GPR108: variants seen among roughly 807,000 people sequenced by gnomAD.
The protein encoded by GPR108 is protein GPR108.
A neutral mutation model predicts 74.3 loss-of-function variants in GPR108; 60 were observed. The observed-to-expected ratio is 0.81, with a 90% CI of 0.66 to 1.00. GPR108 has a LOEUF of 1.00. Ranked by LOEUF, GPR108 falls within the 50% of genes least tolerant of loss-of-function variation. The pLI is 0.00. For missense variants in GPR108, 667 were observed against 703.3 expected (o/e 0.95, Z 0.58); for synonymous variants, 311 against 292.4 (o/e 1.06, Z -0.65).
At chr19:6,732,690 C>T in intron 10 of GPR108, 141 bp from the exon 11 acceptor site, 3 of 723,082 alleles carry the variant, frequency 4.1e-6, no homozygotes, top group Non-Finnish European at 4.8e-6. Context: ...GGGTGGGACT[C>T]AAAACTGGTA....
In GPR108 at chr19:6,736,697, C is replaced by T. The variant is rs1968647306; in HGVS notation, c.135G>A (p.Ala45=). Residue 45 remains alanine, a synonymous_variant, in exon 2 of 18, where the codon GCG becomes GCA. Coordinates refer to ENST00000264080, the MANE Select transcript of GPR108 (RefSeq NM_001080452.2). ...HQLALTGEKR[A]DIQLNSFGFY... is the part of the protein sequence containing the mutation. ...AACCGAAGCTGTTCAGCTGGATGTC[C>T]GCTCGCTTCTCCCCCTGCCGGAGAC... is the stretch of plus-strand genomic sequence containing the variant. 2 of 1,614,084 alleles carry T rather than the reference C, an allele frequency of 1.2e-6. No individual in the cohort carries two copies. Among genetic ancestry groups the T allele is most frequent in the Admixed American group, 1.7e-5 (1 of 60,012 alleles).
At chr19:6,730,836 T>A in intron 17 of GPR108, 151 bp downstream of exon 17, 1 of 902,082 alleles carries the variant, frequency 1.1e-6, no homozygotes, top group Non-Finnish European at 1.6e-6. Context: ...GCCCCCCATC[T>A]CCCCTCCATC....
At chr19:6,731,408 C>T (rs894021089) in intron 15 of GPR108, 65 bp downstream of exon 15, 6 of 1,497,426 alleles carry the variant, frequency 4.0e-6, no homozygotes, top group Non-Finnish European at 4.5e-6. Context: ...AGCTGAGGGG[C>T]TGGGGTGGGC....
At position 6,735,669 on chromosome 19, in the gene GPR108, G is replaced by T; in HGVS notation, c.327C>A (p.Asn109Lys). ...GGAACAGGACCAGGAAACTGCTACT[G>T]TTTTTCTGGAGAGGGCAGTCCTGGA... is the stretch of plus-strand genomic sequence containing the variant. ...RDFQDCPLQKNSSSFLVLFLI... is the reference protein window; with the variant it reads ...RDFQDCPLQKKSSSFLVLFLI... Residue 109 changes from asparagine (N) to lysine (K), a missense_variant, in exon 4 of 18, where the codon AAC becomes AAA. Asn to Lys is a moderately conservative substitution (Grantham distance 94). Transcript: ENST00000264080. The T allele has an allele frequency of 3.7e-6, 6 of 1,614,146 alleles. No individual in the cohort carries two copies. Among genetic ancestry groups the T allele is most frequent in the Non-Finnish European group, 5.1e-6 (6 of 1,180,028 alleles).
rs1055175575 is a variant in GPR108, at chr19:6,730,379, G to A, written c.1565C>T (p.Thr522Met). 2.7e-5 allele frequency: 43 copies of A among 1,612,934 alleles called. No individual in the cohort carries two copies. Among genetic ancestry groups the A allele is most frequent in the South Asian group, 7.7e-5 (7 of 91,048 alleles). Reference protein sequence around the residue: ...EEDVQMEQVMTDSGFREGLSK... With the variant: ...EEDVQMEQVMMDSGFREGLSK... ...GAGGCCTTCCCGGAACCCAGAGTCC[G>A]TCATTCTGGGGGCAGACAGCGAGGA... The change falls in exon 18 of 18, where the codon ACG (threonine) becomes ATG (methionine). Residue 522 changes from threonine (T) to methionine (M), a missense_variant. Coordinates refer to ENST00000264080, the MANE Select transcript of GPR108 (RefSeq NM_001080452.2).
intron 1 of GPR108, 42 bp from the exon 2 acceptor site, chr19:6,736,753 C>T: frequency 6.2e-7 from 1 of 1,613,008 alleles, no homozygotes; most frequent in Admixed American, 1.7e-5. Context: ...AGACCTCTTT[C>T]CGCCTGCCCA....
At chr19:6,733,388 T>A in intron 8 of GPR108, 87 bp from the exon 9 acceptor site, 1 of 1,435,102 alleles carries the variant, frequency 7.0e-7, no homozygotes. Context: ...TCCAGCTCTC[T>A]CACTTTCTAC....
intron 17 of GPR108, 71 bp downstream of exon 17, chr19:6,730,916 C>CA: frequency 3.8e-6 from 5 of 1,329,194 alleles, no homozygotes; most frequent in Non-Finnish European, 4.2e-6. Context: ...CCTGCCCACC[C>CA]TGCCCGTAGA....
chr19:6,730,376 TCC>T lies in GPR108; in HGVS notation c.1566_1567del (p.Asp523LeufsTer127). The T allele has an allele frequency of 8.1e-6, 13 of 1,612,942 alleles. No homozygotes were observed. Among genetic ancestry groups the T allele is most frequent in the Non-Finnish European group, 1.1e-5 (13 of 1,179,796 alleles). On this transcript the variant is annotated frameshift_variant, in exon 18 of 18. Transcript: ENST00000264080. LOFTEE classifies it high-confidence loss of function. ...GGAGAGGCCTTCCCGGAACCCAGAG[TCC>T]GTCATTCTGGGGGCAGACAGCGAGG...
intron 10 of GPR108, 131 bp downstream of exon 10, chr19:6,732,856 G>C: frequency 1.3e-6 from 1 of 797,072 alleles, no homozygotes; most frequent in East Asian, 2.7e-5. Context: ...GGCCACACTG[G>C]TAAAATGGGT....
intron 10 of GPR108, 109 bp downstream of exon 10, chr19:6,732,878 T>A: frequency 1.1e-6 from 1 of 944,202 alleles, no homozygotes; most frequent in South Asian, 1.5e-5. Flanking sequence ...GACACGTGGA[T>A]AGCTGGCGGA....
intron 4 of GPR108, among the ~76,000 whole-genome samples, chr19:6,734,944 A>C (rs1021844597): frequency 6.6e-6 from 1 of 151,658 alleles, no homozygotes; most frequent in African/African-American, 2.4e-5. Context: ...GCAGCAGTGC[A>C]AACTTGGTTC....
At position 6,732,483 on chromosome 19, in the gene GPR108, C is replaced by T. The variant is rs754974308; in HGVS notation, c.1000G>A (p.Ala334Thr). Residue 334 changes from alanine (A) to threonine (T), a missense_variant, in exon 11 of 18, where the codon GCA becomes ACA. Ala to Thr is a moderately conservative substitution (Grantham distance 58, BLOSUM62 0). Transcript: ENST00000264080. Reference protein sequence around the residue: ...IEGLAVMYYIAHLLKGALLFI... With the variant: ...IEGLAVMYYITHLLKGALLFI... Reference sequence around the variant, plus strand: ...AGAGTGGGGGACACTCACAGGTGTGCGATGTAGTACATGACGGCAAGGCCT... The same window carrying T: ...AGAGTGGGGGACACTCACAGGTGTGTGATGTAGTACATGACGGCAAGGCCT... The T allele has an allele frequency of 9.5e-5, 153 of 1,613,606 alleles. No individual in the cohort carries two copies. Among genetic ancestry groups the T allele is most frequent in the African/African-American group, 1.3e-4 (10 of 74,966 alleles).
rs78817095 is a variant in GPR108 at position 6,731,121 on chromosome 19, G to A, written c.1435-10C>T. On this transcript the variant is annotated splice_polypyrimidine_tract_variant and intron_variant, in intron 16 of 17. Transcript: ENST00000264080. Reference sequence around the variant, plus strand: ...AGCCCTCCACCAAGAGCTGGGGGACGGGGCGGAGTGGGGGCGTCAGGCGCA... The same window carrying A: ...AGCCCTCCACCAAGAGCTGGGGGACAGGGCGGAGTGGGGGCGTCAGGCGCA... The A allele has an allele frequency of 1.7e-3, 2,782 of 1,612,512 alleles. 51 individuals are homozygous for A. The African/African-American group carries it at 0.033, about 19-fold the overall frequency.
rs1474417091 is a variant in GPR108 at position 6,733,925 on chromosome 19, G to A, written c.550-12C>T. 6.8e-6 allele frequency: 11 copies of A among 1,614,054 alleles called. No individual in the cohort carries two copies. In the East Asian group the frequency reaches 2.2e-4, roughly 33 times the overall value. ...TTCCCACTAGGACCCTGAAGGGACA[G>A]AGCCCCTCCATCAGCTGGTTCTGGG... On this transcript the variant is annotated splice_polypyrimidine_tract_variant and intron_variant, in intron 6 of 17. Coordinates refer to ENST00000264080, the MANE Select transcript of GPR108 (RefSeq NM_001080452.2).
chr19:6,730,707 A>AC (rs1968358952), intron 17 of GPR108: 7 of 105,708 alleles, frequency 6.6e-5, no homozygotes, highest in African/African-American at 2.0e-4. Flanking sequence ...GGCCCCGCCC[A>AC]CCCCCGCCCC....
chr19:6,732,915 C>A (rs1017828567), intron 10 of GPR108, 72 bp downstream of exon 10: 29 of 1,388,424 alleles, frequency 2.1e-5, no homozygotes, highest in Admixed American at 1.9e-4. Flanking sequence ...CCAGGGTCTG[C>A]AGAGATTTGG....
Position 6,732,313 on chromosome 19 carries a change from CGTACTTGATGAA to C in GPR108, c.1063_1074del (p.Phe355_Tyr358del). On this transcript the variant is annotated inframe_deletion, in exon 12 of 18. Coordinates refer to ENST00000264080, the MANE Select transcript of GPR108 (RefSeq NM_001080452.2). ...ACCTTCTTCTCCTTATCCGACAGGA[CGTACTTGATGAA>C]GGCCCAGCCTGAGCCAATCAGGGCG... is the stretch of plus-strand genomic sequence containing the variant. 6.2e-7 allele frequency: 1 copy of C among 1,613,284 alleles called. No individual in the cohort carries two copies. Among genetic ancestry groups the C allele is most frequent in the Non-Finnish European group, 8.5e-7 (1 of 1,180,032 alleles).
chr19:6,730,960 C>T lies in GPR108; in HGVS notation c.1559+27G>A, dbSNP rs56983334. ...CCCCCTACTCCACCCCCAGAGCCGC[C>T]GGCCCTGCCCATGGTGCCCAGCTCA... On this transcript the variant is annotated intron_variant, in intron 17 of 17. Transcript: ENST00000264080. 227 of 1,611,158 alleles carry T rather than the reference C, an allele frequency of 1.4e-4. 1 individual carries two copies. The East Asian group carries it at 3.5e-3, about 25-fold the overall frequency.
Sources: gnomAD v4.1 joint callset for allele counts (sites outside exome capture counted in the v4.1 genomes callset) on GRCh38, gnomAD v4.1.1 for gene constraint, MANE v1.5 for transcripts, NCBI Gene and HGNC (gene_info 2026-07-23, HGNC 2026-07-21) for gene names.